The following ZNF236 variants were observed in gnomAD, a reference collection of about 807,000 sequenced individuals.
The protein encoded by ZNF236 is zinc finger protein 236, also known as regulated by glucose.
In ZNF236, 50 loss-of-function variants were observed where a neutral mutation model predicts 191.2. That is an observed-to-expected ratio of 0.26 (90% confidence interval 0.21 to 0.33). The LOEUF is 0.33. Among genes scored for constraint, ZNF236 ranks in the 10% least tolerant of loss-of-function variants. The pLI is 1.00. For synonymous variants in ZNF236, 907 were observed against 928.8 expected (o/e 0.98, Z 0.43); for missense variants, 1,754 against 2,374.5 (o/e 0.74, Z 5.43).
intron 7 of ZNF236, among the ~76,000 whole-genome samples, chr18:76,878,782 T>C (rs1215212078): frequency 1.3e-5 from 2 of 152,224 alleles, no homozygotes; most frequent in Non-Finnish European, 2.9e-5. Flanking sequence ...GTAGTAGACA[T>C]TAAATACGAA....
At chr18:76,955,929 A>C in intron 27 of ZNF236, 56 bp from the exon 28 acceptor site, 1 of 1,560,368 alleles carries the variant, frequency 6.4e-7, no homozygotes, top group Non-Finnish European at 8.7e-7. Flanking sequence ...GTCAGTTCAC[A>C]AACTGCACAA....
intron 1 of ZNF236, among the ~76,000 whole-genome samples, chr18:76,823,244 C>T (rs1169880183): frequency 1.3e-5 from 2 of 150,792 alleles, no homozygotes; most frequent in Non-Finnish European, 3.0e-5. Flanking sequence ...AGCGCAGGGT[C>T]GTGCACACAG....
At chr18:76,866,813 C>T (rs1976426183) in intron 3 of ZNF236, among the ~76,000 whole-genome samples, 1 of 152,046 alleles carries the variant, frequency 6.6e-6, no homozygotes. Flanking sequence ...TCAAGTGTTG[C>T]CAGGGCGCGC....
At position 76,833,109 on chromosome 18, in the gene ZNF236, A is replaced by G. The variant is rs116932132; in HGVS notation, c.55+10447A>G. ...TTATTATTTGTAATAGTTTAGCTGT[A>G]GATTCTTTTGGAATTTTCTCTGTAA... is the stretch of plus-strand genomic sequence containing the variant. On this transcript the variant is annotated intron_variant, in intron 1 of 30. Coordinates refer to ENST00000320610, the MANE Select transcript of ZNF236 (RefSeq NM_001306089.2). 3.4e-3 allele frequency among the ~76,000 whole-genome samples: 512 copies of G among 152,302 alleles called. 3 individuals carry two copies. Among genetic ancestry groups the G allele is most frequent in the Non-Finnish European group, 5.5e-3 (374 of 68,016 alleles).
chr18:76,836,108 A>G lies in ZNF236; in HGVS notation c.56-13418A>G, dbSNP rs373730932. Among the ~76,000 whole-genome samples, 941 of 151,930 alleles carry G rather than the reference A, an allele frequency of 6.2e-3. 17 individuals carry two copies. The highest frequency in any genetic ancestry group is 0.04 in the South Asian group (192 of 4,808). On this transcript the variant is annotated intron_variant, in intron 1 of 30. Coordinates refer to ENST00000320610, the MANE Select transcript of ZNF236 (RefSeq NM_001306089.2). ...TTTTTAGTAGAGACGGGGTTTCACC[A>G]TGTTGGCCAGGCTGGTCTCGAACTT...
chr18:76,902,634 C>T (rs568564356), intron 11 of ZNF236, among the ~76,000 whole-genome samples: 7 of 152,204 alleles, frequency 4.6e-5, no homozygotes, highest in East Asian at 1.9e-4. Context: ...TGCAATGGTA[C>T]GATCTCGGCT....
rs745735155 is a variant in ZNF236 at position 76,947,594 on chromosome 18, T to C, written c.4856T>C (p.Ile1619Thr). The C allele has an allele frequency of 1.9e-6, 3 of 1,614,082 alleles. No homozygotes were observed. The Admixed American group carries it at 5.0e-5, about 27-fold the overall frequency. ...GGTGGAGCAGGCTCGCCGCAAGTCA[T>C]ACTAGTGAGCCACACGCCACAGTCA... ...GQGGAGSPQV[I>T]LVSHTPQSAS... Residue 1619 changes from isoleucine (I) to threonine (T), a missense_variant, in exon 27 of 31, where the codon ATA becomes ACA. Ile to Thr is a moderately conservative substitution (Grantham distance 89, BLOSUM62 -1). Transcript: ENST00000320610.
chr18:76,896,074 C>T (rs137874972), intron 10 of ZNF236, among the ~76,000 whole-genome samples: 1 of 151,532 alleles, frequency 6.6e-6, no homozygotes, highest in African/African-American at 2.4e-5. Flanking sequence ...GTACCAAACA[C>T]AGTACTAAAT....
intron 1 of ZNF236, among the ~76,000 whole-genome samples, chr18:76,829,201 C>T (rs1377773598): frequency 6.6e-6 from 1 of 152,170 alleles, no homozygotes; most frequent in Non-Finnish European, 1.5e-5. Flanking sequence ...TCTCTGCTTT[C>T]AAGAAAGTAG....
intron 28 of ZNF236, among the ~76,000 whole-genome samples, chr18:76,956,873 G>A (rs535430031): frequency 1.2e-4 from 18 of 152,286 alleles, no homozygotes; most frequent in African/African-American, 4.1e-4. Flanking sequence ...CGTGCAGCAC[G>A]GATGCCTAGC....
intron 4 of ZNF236, among the ~76,000 whole-genome samples, chr18:76,869,659 T>C (rs893842230): frequency 3.3e-5 from 5 of 152,188 alleles, no homozygotes; most frequent in African/African-American, 1.2e-4. Flanking sequence ...CAACAAACTC[T>C]AAAAGGCAAT....
At chr18:76,878,240 A>G (rs1976771032) in intron 7 of ZNF236, 88 bp downstream of exon 7, 1 of 1,318,434 alleles carries the variant, frequency 7.6e-7, no homozygotes, top group East Asian at 2.5e-5. Flanking sequence ...TTAGTAGCAA[A>G]AAGGTGCTAT....
intron 1 of ZNF236, among the ~76,000 whole-genome samples, chr18:76,843,573 C>G (rs1008126303): frequency 1.4e-5 from 2 of 142,048 alleles, no homozygotes; most frequent in Non-Finnish European, 3.1e-5. Flanking sequence ...GTCAGGAGTT[C>G]GAGACCATCC....
At chr18:76,938,021 A>G (rs1968044668) in intron 26 of ZNF236, among the ~76,000 whole-genome samples, 1 of 152,190 alleles carries the variant, frequency 6.6e-6, no homozygotes, top group Admixed American at 6.5e-5. Context: ...AAAAAAGTCT[A>G]TTCTTAGTTG....
intron 20 of ZNF236, among the ~76,000 whole-genome samples, chr18:76,921,014 A>C (rs1295402319): frequency 6.6e-6 from 1 of 152,196 alleles, no homozygotes; most frequent in Non-Finnish European, 1.5e-5. Flanking sequence ...TAATAAAACA[A>C]ACCGTGAAGA....
At chr18:76,891,954 A>G (rs1178438343) in intron 9 of ZNF236, among the ~76,000 whole-genome samples, 3 of 151,974 alleles carry the variant, frequency 2.0e-5, no homozygotes, top group Non-Finnish European at 2.9e-5. Context: ...CTATTTTCAC[A>G]TATTTATTTT....
At chr18:76,967,442 A>AGGT (rs201388489) in intron 30 of ZNF236, among the ~76,000 whole-genome samples, 13 of 1,016 alleles carry the variant, frequency 0.013, no homozygotes, top group Admixed American at 0.028. Context: ...TTGTTGTTGG[A>AGGT]GGTGGTGTGC....
At chr18:76,868,636 A>G (rs1290113438) in intron 3 of ZNF236, 49 bp from the exon 4 acceptor site, 5 of 1,481,984 alleles carry the variant, frequency 3.4e-6, no homozygotes, top group Non-Finnish European at 4.6e-6. Flanking sequence ...TCTTTGAAGG[A>G]GTGGTTTTGA....
rs780945136 is a variant in ZNF236 at position 76,824,449 on chromosome 18, T to C, written c.55+1787T>C. The C allele has an allele frequency of 5.1e-6, 4 of 781,062 alleles. No homozygotes were observed. The East Asian group carries it at 7.3e-5, about 14-fold the overall frequency. The allele number at this position is 781,062 out of a possible 1,614,324, so 48.4% of individuals were successfully genotyped here. ...TGGATAACAGCAGTGCTCAGAATTT[T>C]GATTAATGGTTGATGGTGTCTGGCC... On this transcript the variant is annotated intron_variant, in intron 1 of 30. Coordinates refer to ENST00000320610, the MANE Select transcript of ZNF236 (RefSeq NM_001306089.2).
Sources: gnomAD v4.1 joint callset for allele counts (sites outside exome capture counted in the v4.1 genomes callset) on GRCh38, gnomAD v4.1.1 for gene constraint, MANE v1.5 for transcripts, NCBI Gene and HGNC (gene_info 2026-07-23, HGNC 2026-07-21) for gene names.